ADGRB3: variants seen among roughly 807,000 people sequenced by gnomAD.
ADGRB3 encodes the protein adhesion G protein-coupled receptor B3.
Under a neutral mutation model 193.4 loss-of-function variants are expected in ADGRB3, and 37 were observed. The ratio of observed to expected loss-of-function variants is 0.19; its 90% confidence interval spans 0.15 to 0.25. ADGRB3 has a LOEUF of 0.25. Ranked by LOEUF, ADGRB3 falls within the 10% of genes least tolerant of loss-of-function variation. The probability of loss-of-function intolerance (pLI) is 1.00; values close to 1 mark genes in which losing one functional copy is unlikely to be tolerated. For missense variants in ADGRB3, 1,637 were observed against 1,852.9 expected (o/e 0.88, Z 2.14); for synonymous variants, 690 against 644.2 (o/e 1.07, Z -1.08).
At chr6:69,219,791 A>T (rs1440017694) in intron 17 of ADGRB3, among the ~76,000 whole-genome samples, 1 of 151,908 alleles carries the variant, frequency 6.6e-6, no homozygotes, top group Non-Finnish European at 1.5e-5. Flanking sequence ...TCTTATCACC[A>T]AGAAATCAGT....
chr6:69,364,938 A>G (rs766346776), intron 29 of ADGRB3, among the ~76,000 whole-genome samples: 6 of 152,132 alleles, frequency 3.9e-5, no homozygotes, highest in Non-Finnish European at 8.8e-5. Context: ...TATAAAATCT[A>G]ATTTAAACCT....
At chr6:69,059,792 A>G (rs951901217) in intron 15 of ADGRB3, among the ~76,000 whole-genome samples, 1 of 152,122 alleles carries the variant, frequency 6.6e-6, no homozygotes, top group Non-Finnish European at 1.5e-5. Flanking sequence ...AAATTTGCTT[A>G]TTTATTTTCC....
In ADGRB3 at chr6:68,936,525, C is replaced by G. The variant is rs1562092563; in HGVS notation, c.875C>G (p.Ser292Cys). The G allele has an allele frequency of 6.2e-7, 1 of 1,613,648 alleles. No homozygotes were observed. Among genetic ancestry groups the G allele is most frequent in the Non-Finnish European group, 8.5e-7 (1 of 1,179,808 alleles). The change falls in exon 5 of 32, where the codon TCT becomes TGT. Residue 292 changes from serine (S) to cysteine (C), a missense_variant. Around this residue, in one of 7 missense-constraint regions of ADGRB3, gnomAD observed 365 missense variants for 409.8 expected, o/e 0.89. Transcript: ENST00000370598. ...TTTGTTGTCTTGCACGCAGGTGAAT[C>G]TGGTGTGGAAGAGTGGTCCCAGTGG... ...AAKFMAQTGE[S>C]GVEEWSQWST...
chr6:68,805,434 A>C (rs994655045), intron 3 of ADGRB3, among the ~76,000 whole-genome samples: 15 of 152,266 alleles, frequency 9.9e-5, no homozygotes, highest in Admixed American at 9.8e-4. Flanking sequence ...TACTTTATTG[A>C]GCTTCATCCT....
intron 17 of ADGRB3, among the ~76,000 whole-genome samples, chr6:69,138,945 T>C (rs1397745981): frequency 1.3e-5 from 2 of 152,212 alleles, no homozygotes; most frequent in Non-Finnish European, 2.9e-5. Context: ...TGCATGACTC[T>C]ATTCAGAGTA....
At chr6:69,074,491 G>T (rs1018377116) in intron 16 of ADGRB3, among the ~76,000 whole-genome samples, 2 of 151,722 alleles carry the variant, frequency 1.3e-5, no homozygotes, top group East Asian at 1.9e-4. Context: ...AATGAGGTAC[G>T]GTGTCCACCT....
chr6:69,050,480 A>G (rs1771360793), intron 15 of ADGRB3, among the ~76,000 whole-genome samples: 1 of 152,206 alleles, frequency 6.6e-6, no homozygotes, highest in Non-Finnish European at 1.5e-5. Context: ...AAAAAGTTTG[A>G]AAACAAAAAA....
At chr6:69,332,246 T>C in intron 23 of ADGRB3, 1 of 985,324 alleles carries the variant, frequency 1.0e-6, no homozygotes, top group Middle Eastern at 5.2e-4. Context: ...TCATGTATCA[T>C]GCAAAAGACC....
intron 13 of ADGRB3, among the ~76,000 whole-genome samples, chr6:69,019,634 G>C (rs756976309): frequency 1.3e-5 from 2 of 151,900 alleles, no homozygotes; most frequent in Non-Finnish European, 2.9e-5. Flanking sequence ...TAGTTCAAAC[G>C]TCTGGAGACA....
At chr6:69,191,925 T>G (rs996116819) in intron 17 of ADGRB3, among the ~76,000 whole-genome samples, 5 of 152,096 alleles carry the variant, frequency 3.3e-5, no homozygotes, top group African/African-American at 1.2e-4. Flanking sequence ...TTTATGTAAT[T>G]CTAGAGTAGG....
At chr6:68,734,999 G>A (rs7754795) in intron 3 of ADGRB3, among the ~76,000 whole-genome samples, 114,114 of 151,780 alleles carry the variant, frequency 0.75, 43,157 homozygotes, top group Middle Eastern at 0.9. Flanking sequence ...ATAATACTAT[G>A]AAAATATGGA....
intron 3 of ADGRB3, among the ~76,000 whole-genome samples, chr6:68,905,212 G>T (rs966683535): frequency 6.6e-6 from 1 of 152,066 alleles, no homozygotes; most frequent in African/African-American, 2.4e-5. Flanking sequence ...CCATGTTGTG[G>T]TTTATTTGAG....
At chr6:68,808,862 G>A (rs1767458213) in intron 3 of ADGRB3, among the ~76,000 whole-genome samples, 2 of 152,184 alleles carry the variant, frequency 1.3e-5, no homozygotes, top group Admixed American at 1.3e-4. Flanking sequence ...AAGACCACCT[G>A]TAAAAGAGTA....
chr6:69,199,838 A>C (rs1241782509), intron 17 of ADGRB3, among the ~76,000 whole-genome samples: 1 of 152,110 alleles, frequency 6.6e-6, no homozygotes, highest in Non-Finnish European at 1.5e-5. Context: ...GAGAGTAATA[A>C]TAGTGACCCT....
At chr6:68,698,447 GA>G (rs746131359) in intron 3 of ADGRB3, among the ~76,000 whole-genome samples, 1 of 151,840 alleles carries the variant, frequency 6.6e-6, no homozygotes, top group Non-Finnish European at 1.5e-5. Flanking sequence ...AAATAAATAG[GA>G]ACTCTTGATT....
rs564892386 is a variant in ADGRB3, at chr6:68,743,633, A to C, written c.757+104201A>C. 3.3e-5 allele frequency among the ~76,000 whole-genome samples: 5 copies of C among 152,244 alleles called. No homozygotes were observed. In the East Asian group the frequency reaches 9.6e-4, roughly 29 times the overall value. On this transcript the variant is annotated intron_variant, in intron 3 of 31. Coordinates refer to ENST00000370598, the MANE Select transcript of ADGRB3 (RefSeq NM_001704.3). Reference sequence around the variant, plus strand: ...TGAAAAGAGATAAGGAAATTCACTAAAAAGGAAATAGAAATTCCCCAAAAT... The same window carrying C: ...TGAAAAGAGATAAGGAAATTCACTACAAAGGAAATAGAAATTCCCCAAAAT...
At chr6:69,273,676 T>C (rs1238611801) in intron 20 of ADGRB3, among the ~76,000 whole-genome samples, 3 of 152,216 alleles carry the variant, frequency 2.0e-5, no homozygotes, top group African/African-American at 7.2e-5. Flanking sequence ...CTTTCAAGTT[T>C]CTTTGTGTGC....
At chr6:68,934,522 T>G (rs1026537040) in intron 4 of ADGRB3, among the ~76,000 whole-genome samples, 1 of 152,216 alleles carries the variant, frequency 6.6e-6, no homozygotes, top group African/African-American at 2.4e-5. Flanking sequence ...CTAATTTTAT[T>G]CATAACCTTT....
chr6:68,778,272 C>T (rs1261447967), intron 3 of ADGRB3, among the ~76,000 whole-genome samples: 1 of 152,018 alleles, frequency 6.6e-6, no homozygotes, highest in Non-Finnish European at 1.5e-5. Context: ...CTATAAGTGA[C>T]AAGTGGAAAA....
Sources: gnomAD v4.1 joint callset for allele counts (sites outside exome capture counted in the v4.1 genomes callset) on GRCh38, gnomAD v4.1.1 for gene constraint, gnomAD v4.1.1 regional missense constraint, MANE v1.5 for transcripts, NCBI Gene and HGNC (gene_info 2026-07-23, HGNC 2026-07-21) for gene names.